ZHX2: variants seen among roughly 807,000 people sequenced by gnomAD.
The protein encoded by ZHX2 is zinc fingers and homeoboxes protein 2.
Under a neutral mutation model 21.9 loss-of-function variants are expected in ZHX2, and 6 were observed. The observed-to-expected ratio is 0.27, with a 90% CI of 0.15 to 0.54. The LOEUF (loss-of-function observed/expected upper bound fraction) is 0.54, where lower values mean the gene tolerates loss of function less well. Ranked by LOEUF, ZHX2 falls within the 20% of genes least tolerant of loss-of-function variation. The pLI, the probability that ZHX2 is intolerant of heterozygous loss-of-function variation, is 0.95. For missense variants in ZHX2, 908 were observed against 1,090.7 expected (o/e 0.83, Z 2.36); for synonymous variants, 434 against 437.1 (o/e 0.99, Z 0.09).
At chr8:122,854,705 CT>C (rs1818987983) in intron 1 of ZHX2, among the ~76,000 whole-genome samples, 1 of 152,182 alleles carries the variant, frequency 6.6e-6, no homozygotes, top group Admixed American at 6.5e-5. Context: ...CATCCTCTAG[CT>C]ACCTCCTGTT....
At chr8:122,802,924 C>G (rs1022740444) in intron 1 of ZHX2, among the ~76,000 whole-genome samples, 22 of 152,126 alleles carry the variant, frequency 1.4e-4, no homozygotes, top group African/African-American at 5.3e-4. Context: ...CCCGAGAATG[C>G]TCCCCTGCAT....
chr8:122,917,864 C>T (rs1222796894), intron 2 of ZHX2, among the ~76,000 whole-genome samples: 3 of 152,216 alleles, frequency 2.0e-5, no homozygotes, highest in Non-Finnish European at 4.4e-5. Context: ...TCCTCACCCA[C>T]AGCAGACATC....
rs757157511 is a variant in ZHX2 at position 122,953,219 on chromosome 8, G to A, written c.1709G>A (p.Arg570Lys). ...DRLRVETKLSRREIDSWFSER... is the reference protein window; with the variant it reads ...DRLRVETKLSKREIDSWFSER... ...CTAAGGGTGGAGACCAAGCTGAGCAGGAGAGAGATCGACTCCTGGTTCTCG... is the reference window on the plus strand; with the variant it reads ...CTAAGGGTGGAGACCAAGCTGAGCAAGAGAGAGATCGACTCCTGGTTCTCG... Residue 570 changes from arginine to lysine, a missense_variant, in exon 3 of 4, where the codon AGG (arginine) becomes AAG (lysine). By Grantham distance (26) the Arg-to-Lys change is conservative. Around this residue, in one of 4 missense-constraint regions of ZHX2, gnomAD observed 431 missense variants for 428.6 expected, o/e 1.01. Coordinates refer to ENST00000314393, the MANE Select transcript of ZHX2 (RefSeq NM_014943.5). This position sits in a 1 kb window ranked among gnomAD's most constrained non-coding sequence, Gnocchi z 4.6. 5.0e-6 allele frequency: 8 copies of A among 1,613,866 alleles called. No homozygotes were observed. The African/African-American group carries it at 9.3e-5, about 19-fold the overall frequency.
At chr8:122,878,245 T>A (rs1325945118) in intron 2 of ZHX2, among the ~76,000 whole-genome samples, 1 of 152,236 alleles carries the variant, frequency 6.6e-6, no homozygotes, top group South Asian at 2.1e-4. Flanking sequence ...GTATATCAGC[T>A]ATTTATTGCC....
At chr8:122,826,947 AG>A (rs1391579631) in intron 1 of ZHX2, among the ~76,000 whole-genome samples, 2 of 152,228 alleles carry the variant, frequency 1.3e-5, no homozygotes, top group Non-Finnish European at 2.9e-5. Context: ...TAGGTTGAAC[AG>A]GGTTCCTAGG....
chr8:122,843,495 G>A (rs1242598012), intron 1 of ZHX2, among the ~76,000 whole-genome samples: 1 of 152,180 alleles, frequency 6.6e-6, no homozygotes, highest in Non-Finnish European at 1.5e-5. Context: ...TATCCTACTG[G>A]TAGTGGCCTT....
chr8:122,868,811 G>A (rs370782398), intron 2 of ZHX2, among the ~76,000 whole-genome samples: 2 of 151,812 alleles, frequency 1.3e-5, no homozygotes, highest in Admixed American at 6.6e-5. Flanking sequence ...CCTGAGCTAC[G>A]ATCACACCAC....
intron 1 of ZHX2, chr8:122,816,445 TC>T (rs1482644922): frequency 1.6e-5 from 2 of 125,236 alleles, no homozygotes; most frequent in East Asian, 4.5e-4. Flanking sequence ...AATGAATCTA[TC>T]TTTTTTTTTT....
At chr8:122,823,416 C>T (rs765592091) in intron 1 of ZHX2, among the ~76,000 whole-genome samples, 10 of 152,224 alleles carry the variant, frequency 6.6e-5, no homozygotes, top group Non-Finnish European at 1.2e-4. Context: ...CAGCGTGAAT[C>T]CAGGGCAGCT....
intron 1 of ZHX2, among the ~76,000 whole-genome samples, chr8:122,841,177 C>A (rs1249413700): frequency 6.6e-6 from 1 of 152,140 alleles, no homozygotes; most frequent in African/African-American, 2.4e-5. Flanking sequence ...GCCTGTCTTC[C>A]CCTGACACTT....
chr8:122,908,053 AG>A (rs1820387770), intron 2 of ZHX2, among the ~76,000 whole-genome samples: 1 of 152,182 alleles, frequency 6.6e-6, no homozygotes, highest in Non-Finnish European at 1.5e-5. Flanking sequence ...TGTGCCTCTA[AG>A]TCAGTTCACA....
At position 122,860,860 on chromosome 8, in the gene ZHX2, C is replaced by T. The variant is rs985922222; in HGVS notation, c.-282-2617C>T. 3.3e-5 allele frequency among the ~76,000 whole-genome samples: 5 copies of T among 151,874 alleles called. No individual in the cohort carries two copies. In the South Asian group the frequency reaches 6.3e-4, roughly 19 times the overall value. On this transcript the variant is annotated intron_variant, in intron 1 of 3. Transcript: ENST00000314393. ...CCATCCTGGTCAACATGGTGAAACC[C>T]GATCTCTACTAAAAATACAAAAATT...
intron 2 of ZHX2, among the ~76,000 whole-genome samples, chr8:122,912,241 C>T (rs768966370): frequency 1.3e-5 from 2 of 152,200 alleles, no homozygotes; most frequent in African/African-American, 2.4e-5. Flanking sequence ...CCCTGAAGGG[C>T]AGTGGCAGAA....
rs186076411 is a variant in ZHX2 at position 122,894,805 on chromosome 8, T to A, written c.-220+31266T>A. 2.2e-3 allele frequency among the ~76,000 whole-genome samples: 338 copies of A among 152,004 alleles called. 6 individuals are homozygous for A. In the South Asian group the frequency reaches 0.023, roughly 10 times the overall value. ...AAAACTTAAAGTACAATAAAAAATT[T>A]AAAAAAAATCCATCTTAGTATCTTG... On this transcript the variant is annotated intron_variant, in intron 2 of 3. Coordinates refer to ENST00000314393, the MANE Select transcript of ZHX2 (RefSeq NM_014943.5).
chr8:122,805,874 A>G (rs1817812885), intron 1 of ZHX2, among the ~76,000 whole-genome samples: 1 of 151,824 alleles, frequency 6.6e-6, no homozygotes, highest in Admixed American at 6.6e-5. Flanking sequence ...TAGGTCCTGG[A>G]AAAAAAAGTC....
chr8:122,955,633 T>C (rs1464454618), intron 3 of ZHX2, among the ~76,000 whole-genome samples: 1 of 151,962 alleles, frequency 6.6e-6, no homozygotes, highest in Non-Finnish European at 1.5e-5. Flanking sequence ...TCCTTTCTCC[T>C]CCCACTTGCA....
chr8:122,842,034 G>T lies in ZHX2; in HGVS notation c.-282-21443G>T, dbSNP rs527884602. Among the ~76,000 whole-genome samples, 19 of 152,300 alleles carry T rather than the reference G, an allele frequency of 1.2e-4. 1 individual carries two copies. In the South Asian group the frequency reaches 3.3e-3, roughly 27 times the overall value. On this transcript the variant is annotated intron_variant, in intron 1 of 3. Coordinates refer to ENST00000314393, the MANE Select transcript of ZHX2 (RefSeq NM_014943.5). ...TAGAGCCCACTCTTAGAGACACGAA[G>T]AAGGAACAAACAAATGAGCACGAGC...
At chr8:122,965,611 A>G (rs1420106629) in intron 3 of ZHX2, among the ~76,000 whole-genome samples, 1 of 152,170 alleles carries the variant, frequency 6.6e-6, no homozygotes, top group Non-Finnish European at 1.5e-5. Context: ...TGATGAAAAT[A>G]ATGTATATTC....
In ZHX2 at chr8:122,929,988, C is replaced by T. The variant is rs1024487621; in HGVS notation, c.-219-21304C>T. 4.6e-5 allele frequency among the ~76,000 whole-genome samples: 7 copies of T among 152,292 alleles called. No homozygotes were observed. The East Asian group carries it at 1.2e-3, about 25-fold the overall frequency. The stretch of plus-strand genomic sequence containing the variant: ...CATGCTGTAGCTCTTGTTTGTACAA[C>T]AGGAAGGTAACAGTCTTCCCGTTAC... On this transcript the variant is annotated intron_variant, in intron 2 of 3. Transcript: ENST00000314393.
Sources: allele counts gnomAD v4.1 joint callset (sites outside exome capture counted in the v4.1 genomes callset), GRCh38; gene constraint gnomAD v4.1.1; regional missense constraint gnomAD v4.1.1; non-coding constraint Gnocchi (gnomAD v3.1); transcripts MANE v1.5; gene names NCBI Gene and HGNC (gene_info 2026-07-23, HGNC 2026-07-21).